Variants in AMMECR1 observed in about 807,000 individuals in gnomAD.
AMMECR1 encodes AMMECR nuclear protein 1.
AMMECR1 carries 3 observed loss-of-function variants against 22.5 expected under a neutral mutation model. The observed-to-expected ratio is 0.13, with a 90% CI of 0.06 to 0.35. AMMECR1 has a LOEUF of 0.35. AMMECR1 is among the 10% of genes least tolerant of loss of function. The pLI, the probability that AMMECR1 is intolerant of heterozygous loss-of-function variation, is 1.00. For synonymous variants in AMMECR1, 130 were observed against 116.7 expected (o/e 1.11, Z -0.74); for missense variants, 235 against 278.7 (o/e 0.84, Z 1.12).
intron 2 of AMMECR1, among the ~76,000 whole-genome samples, chrX:110,409,982 C>T (rs776271962): frequency 3.1e-4 from 35 of 112,052 alleles, no homozygotes; most frequent in Non-Finnish European, 5.4e-4. Context: ...GCTCCTAATC[C>T]TCAGAGTCTG....
intron 3 of AMMECR1, among the ~76,000 whole-genome samples, chrX:110,206,267 C>T (rs1176612983): frequency 1.8e-5 from 2 of 112,135 alleles, no homozygotes; most frequent in Non-Finnish European, 3.8e-5. Flanking sequence ...TAAATAATGG[C>T]TAAAATTAAG....
intron 2 of AMMECR1, among the ~76,000 whole-genome samples, chrX:110,337,832 G>T (rs1322350661): frequency 3.6e-5 from 4 of 112,120 alleles, no homozygotes; most frequent in African/African-American, 1.3e-4. Context: ...ATCAACAGAT[G>T]AATGGATAAG....
chrX:110,241,103 C>T (rs1446796889), intron 2 of AMMECR1, among the ~76,000 whole-genome samples: 2 of 111,648 alleles, frequency 1.8e-5, no homozygotes, highest in Admixed American at 9.5e-5. Flanking sequence ...AAATTTATAG[C>T]GCTAAATGCC....
intron 1 of AMMECR1, among the ~76,000 whole-genome samples, chrX:110,434,113 G>C (rs1034989160): frequency 8.9e-6 from 1 of 111,753 alleles, no homozygotes; most frequent in African/African-American, 3.3e-5. Context: ...TGGAGGCAGG[G>C]GAAGACATTC....
chrX:110,268,006 GAGCAAAGATGCTCCAAA>G (rs2067778858), intron 1 of AMMECR1, among the ~76,000 whole-genome samples: 1 of 112,097 alleles, frequency 8.9e-6, no homozygotes, highest in African/African-American at 3.2e-5. Context: ...GCAGCCTGAG[GAGCAAAGATGCTCCAAA>G]ACAAGCAAGG....
intron 2 of AMMECR1, among the ~76,000 whole-genome samples, chrX:110,258,920 C>T (rs1602836049): frequency 9.0e-6 from 1 of 111,696 alleles, no homozygotes; most frequent in East Asian, 2.8e-4. Flanking sequence ...AATGATCACA[C>T]GATGGTCTAC....
intron 2 of AMMECR1, among the ~76,000 whole-genome samples, chrX:110,252,274 A>C (rs1052173526): frequency 9.0e-6 from 1 of 110,779 alleles, no homozygotes; most frequent in African/African-American, 3.3e-5. Flanking sequence ...GCAAGTATTA[A>C]AATAAAAATA....
chrX:110,365,462 A>G (rs768255347), intron 2 of AMMECR1, among the ~76,000 whole-genome samples: 3 of 112,334 alleles, frequency 2.7e-5, no homozygotes, highest in African/African-American at 9.7e-5. Context: ...ATGTGACAAT[A>G]TCATTTCATA....
At chrX:110,380,965 T>C (rs1252262399) in intron 2 of AMMECR1, among the ~76,000 whole-genome samples, 1 of 112,438 alleles carries the variant, frequency 8.9e-6, no homozygotes, top group Non-Finnish European at 1.9e-5. Flanking sequence ...AAGACTTAAA[T>C]GTAAGACTTC....
chrX:110,314,339 C>A (rs151032548), intron 1 of AMMECR1, among the ~76,000 whole-genome samples: 1 of 111,654 alleles, frequency 9.0e-6, no homozygotes, highest in East Asian at 2.8e-4. Flanking sequence ...ACTACCCTAG[C>A]CCAAATTATC....
chrX:110,295,037 A>C (rs1247771743), intron 1 of AMMECR1, among the ~76,000 whole-genome samples: 1 of 111,234 alleles, frequency 9.0e-6, no homozygotes, highest in East Asian at 2.8e-4. Flanking sequence ...TTAAAAAAAA[A>C]AGACTCAGCA....
At chrX:110,247,175 T>G (rs749577427) in intron 2 of AMMECR1, among the ~76,000 whole-genome samples, 1 of 112,510 alleles carries the variant, frequency 8.9e-6, no homozygotes, top group Non-Finnish European at 1.9e-5. Flanking sequence ...GACTTGAATA[T>G]GTGAAATAAA....
At chrX:110,430,514 C>G (rs1456503352) in intron 1 of AMMECR1, among the ~76,000 whole-genome samples, 1 of 111,671 alleles carries the variant, frequency 9.0e-6, no homozygotes, top group Admixed American at 9.5e-5. Context: ...AGATATGAAC[C>G]CAGGCACCCT....
intron 2 of AMMECR1, among the ~76,000 whole-genome samples, chrX:110,361,020 AC>A (rs1285407293): frequency 1.8e-5 from 2 of 110,856 alleles, no homozygotes; most frequent in African/African-American, 6.6e-5. Flanking sequence ...GTATCTCCAT[AC>A]TTTTATGCCC....
In AMMECR1 at chrX:110,391,956, T is replaced by C. The variant is rs2068496849; in HGVS notation, c.-148+34702A>G. On this transcript the variant is annotated intron_variant, in intron 2 of 7. Coordinates refer to the AMMECR1 transcript ENST00000372057. ...TTCTCCTCTGATGAACAATTACCAA[T>C]GAACTCTGTTCAAAAGGGAAAACAT... 2.7e-5 allele frequency among the ~76,000 whole-genome samples: 3 copies of C among 112,386 alleles called. No individual in the cohort carries two copies. In the Admixed American group the frequency reaches 2.8e-4, roughly 11 times the overall value.
chrX:110,280,107 T>C (rs1050512742), intron 1 of AMMECR1, among the ~76,000 whole-genome samples: 1 of 111,416 alleles, frequency 9.0e-6, no homozygotes, highest in Admixed American at 9.5e-5. Context: ...TTGAAATCCT[T>C]ATAACAACCC....
intron 2 of AMMECR1, among the ~76,000 whole-genome samples, chrX:110,381,719 C>T (rs895596482): frequency 1.8e-5 from 2 of 111,204 alleles, no homozygotes; most frequent in Admixed American, 9.5e-5. Flanking sequence ...TACACGTACA[C>T]CATGGAATAC....
chrX:110,394,030 G>T (rs753534474), intron 2 of AMMECR1, among the ~76,000 whole-genome samples: 5 of 112,406 alleles, frequency 4.4e-5, no homozygotes, highest in Non-Finnish European at 7.5e-5. Context: ...GGCAGGAGGT[G>T]CTCCTTATGA....
In AMMECR1 at chrX:110,222,410, C is replaced by T. The variant is rs1175021554; in HGVS notation, c.585-5778G>A. ...GAATTGAACAATGAGATCACATGGA[C>T]ACAGGAAGGGGAATATCACACTCTG... On this transcript the variant is annotated intron_variant, in intron 2 of 5. Coordinates refer to ENST00000262844, the MANE Select transcript of AMMECR1 (RefSeq NM_015365.3). Among the ~76,000 whole-genome samples the T allele has an allele frequency of 4.5e-4, 38 of 84,428 alleles. 1 individual carries two copies. Among genetic ancestry groups the T allele is most frequent in the African/African-American group, 1.6e-3 (37 of 22,550 alleles). 73.3% of individuals were successfully genotyped at this position (84,428 alleles called of 115,157 possible).
Sources: allele counts gnomAD v4.1 joint callset (sites outside exome capture counted in the v4.1 genomes callset), GRCh38; gene constraint gnomAD v4.1.1; transcripts MANE v1.5; gene names NCBI Gene and HGNC (gene_info 2026-07-23, HGNC 2026-07-21).